Variants in LHFPL2 observed in about 807,000 individuals in gnomAD.
LHFPL2 encodes the protein LHFPL tetraspan subfamily member 2 protein.
Under a neutral mutation model 17.5 loss-of-function variants are expected in LHFPL2, and 7 were observed. The observed-to-expected ratio is 0.40, with a 90% CI of 0.23 to 0.75. The LOEUF is 0.75. Ranked by LOEUF, LHFPL2 falls within the 30% of genes least tolerant of loss-of-function variation. The pLI is 0.37. For missense variants in LHFPL2, 241 were observed against 294.8 expected (o/e 0.82, Z 1.34); for synonymous variants, 134 against 116.2 (o/e 1.15, Z -0.99).
At chr5:78,615,119 AT>A (rs1744553596) in intron 2 of LHFPL2, among the ~76,000 whole-genome samples, 1 of 152,218 alleles carries the variant, frequency 6.6e-6, no homozygotes, top group Non-Finnish European at 1.5e-5. Flanking sequence ...CTGTACAAGC[AT>A]TTAGGATCCC....
intron 2 of LHFPL2, among the ~76,000 whole-genome samples, chr5:78,570,507 T>A (rs1756968971): frequency 6.6e-6 from 1 of 151,910 alleles, no homozygotes; most frequent in South Asian, 2.1e-4. Context: ...AGCCCTAGAC[T>A]ATGAGTGATG....
At chr5:78,574,906 T>C (rs1323537189) in intron 2 of LHFPL2, among the ~76,000 whole-genome samples, 3 of 152,152 alleles carry the variant, frequency 2.0e-5, no homozygotes, top group African/African-American at 7.2e-5. Context: ...ACCACCTCAG[T>C]CTCTCTGTGT....
chr5:78,549,211 T>A (rs541972150), intron 3 of LHFPL2: 32 of 152,266 alleles, frequency 2.1e-4, no homozygotes, highest in African/African-American at 7.7e-4. Flanking sequence ...AGGCCCCTTA[T>A]CCTTCTGGGG....
At chr5:78,558,916 C>T (rs1756653352) in intron 3 of LHFPL2, among the ~76,000 whole-genome samples, 1 of 152,164 alleles carries the variant, frequency 6.6e-6, no homozygotes, top group South Asian at 2.1e-4. Context: ...TCTCTTAAGG[C>T]CTATTCCCTG....
intron 2 of LHFPL2, among the ~76,000 whole-genome samples, chr5:78,593,301 G>C (rs940701519): frequency 6.6e-6 from 1 of 152,140 alleles, no homozygotes; most frequent in Non-Finnish European, 1.5e-5. Context: ...AAGACATCTA[G>C]GTTCCTGGAA....
At chr5:78,647,829 GA>G (rs1009848200) in intron 1 of LHFPL2, among the ~76,000 whole-genome samples, 25 of 145,006 alleles carry the variant, frequency 1.7e-4, no homozygotes, top group East Asian at 6.0e-4. Flanking sequence ...GAAGGGAAAA[GA>G]AAAAAAAAAA....
chr5:78,510,802 A>ATGTTT (rs1217218972), intron 3 of LHFPL2, among the ~76,000 whole-genome samples: 1 of 152,188 alleles, frequency 6.6e-6, no homozygotes, highest in African/African-American at 2.4e-5. Flanking sequence ...CTATTAGTGG[A>ATGTTT]TGTTTTGTTT....
chr5:78,601,485 G>A (rs1031390318), intron 2 of LHFPL2, among the ~76,000 whole-genome samples: 1 of 152,158 alleles, frequency 6.6e-6, no homozygotes, highest in Non-Finnish European at 1.5e-5. Flanking sequence ...AAGGGTCCCT[G>A]TAAGTTAGGC....
chr5:78,622,080 A>C (rs866568681), intron 2 of LHFPL2, among the ~76,000 whole-genome samples: 8 of 152,310 alleles, frequency 5.3e-5, no homozygotes, highest in South Asian at 2.1e-4. Flanking sequence ...TGATTCTAAA[A>C]GCATAGGAAG....
intron 2 of LHFPL2, among the ~76,000 whole-genome samples, chr5:78,591,139 T>C (rs1743612619): frequency 1.3e-5 from 2 of 152,222 alleles, no homozygotes; most frequent in Non-Finnish European, 2.9e-5. Context: ...TTAGTCCCTA[T>C]CTATACAGAA....
At chr5:78,567,465 T>A (rs1180623831) in intron 2 of LHFPL2, among the ~76,000 whole-genome samples, 9 of 152,212 alleles carry the variant, frequency 5.9e-5, no homozygotes. Flanking sequence ...ATATCAGGAC[T>A]GTCAGGCATT....
chr5:78,622,406 A>G (rs1181638590), intron 2 of LHFPL2, among the ~76,000 whole-genome samples: 1 of 152,188 alleles, frequency 6.6e-6, no homozygotes, highest in East Asian at 1.9e-4. Context: ...AATCCTCCCA[A>G]CAATTTTATG....
chr5:78,502,869 T>C (rs1426305729), intron 4 of LHFPL2, among the ~76,000 whole-genome samples: 1 of 152,218 alleles, frequency 6.6e-6, no homozygotes, highest in African/African-American at 2.4e-5. Context: ...ACACAGCCAC[T>C]CTGCATTTTG....
chr5:78,592,328 A>T (rs946852441), intron 2 of LHFPL2, among the ~76,000 whole-genome samples: 3 of 152,202 alleles, frequency 2.0e-5, no homozygotes, highest in African/African-American at 7.2e-5. Context: ...GCCTCTGCAG[A>T]TCCACAGCAA....
intron 2 of LHFPL2, among the ~76,000 whole-genome samples, chr5:78,568,667 C>T (rs996435112): frequency 3.3e-5 from 5 of 152,054 alleles, no homozygotes; most frequent in Non-Finnish European, 5.9e-5. Flanking sequence ...AGAGTTGACC[C>T]GAGGTGGTCC....
chr5:78,490,663 G>A (rs1048237343), intron 4 of LHFPL2, among the ~76,000 whole-genome samples: 8 of 148,668 alleles, frequency 5.4e-5, no homozygotes, highest in East Asian at 4.0e-4. Context: ...CAGAAGAATC[G>A]CTTGAACCCG....
At chr5:78,518,613 C>G (rs1247801629) in intron 3 of LHFPL2, among the ~76,000 whole-genome samples, 2 of 152,224 alleles carry the variant, frequency 1.3e-5, no homozygotes, top group Non-Finnish European at 2.9e-5. Flanking sequence ...TCCTTCAACT[C>G]TGGGCAGCAG....
intron 2 of LHFPL2, among the ~76,000 whole-genome samples, chr5:78,587,680 T>C (rs1465792905): frequency 6.6e-6 from 1 of 152,248 alleles, no homozygotes; most frequent in Admixed American, 6.5e-5. Flanking sequence ...AAACACCACA[T>C]AATCCTAAGA....
At chr5:78,539,816 C>CTT (rs11351036) in intron 3 of LHFPL2, among the ~76,000 whole-genome samples, 3 of 137,556 alleles carry the variant, frequency 2.2e-5, no homozygotes, top group Non-Finnish European at 3.1e-5. Context: ...AAGACTTTTG[C>CTT]TTTTTTTTTT....
Sources: gnomAD v4.1 joint callset for allele counts (sites outside exome capture counted in the v4.1 genomes callset) on GRCh38, gnomAD v4.1.1 for gene constraint, MANE v1.5 for transcripts, NCBI Gene and HGNC (gene_info 2026-07-23, HGNC 2026-07-21) for gene names.